The following TULP4 variants were observed in gnomAD, a reference collection of about 807,000 sequenced individuals.
TULP4 encodes the protein TUB like protein 4.
A neutral mutation model predicts 129.0 loss-of-function variants in TULP4; 16 were observed. That is an observed-to-expected ratio of 0.12 (90% CI 0.08 to 0.19). TULP4 has a LOEUF of 0.19. Ranked by LOEUF, TULP4 falls within the 10% of genes least tolerant of loss-of-function variation. The pLI is 1.00. For synonymous variants in TULP4, 998 were observed against 854.0 expected (o/e 1.17, Z -2.94); for missense variants, 1,842 against 2,059.1 (o/e 0.89, Z 2.04).
chr6:158,314,406 T>C, intron 1 of TULP4, 138 bp downstream of exon 1: 3 of 1,080,506 alleles, frequency 2.8e-6, no homozygotes, highest in East Asian at 4.9e-5. Flanking sequence ...TTCTGTCTCT[T>C]ATTCTCTGGC....
chr6:158,469,549 A>C (rs193191115), intron 6 of TULP4, among the ~76,000 whole-genome samples: 37 of 152,086 alleles, frequency 2.4e-4, no homozygotes, highest in Non-Finnish European at 4.4e-4. Context: ...TGCTGGGATT[A>C]CAGGTCTGAG....
chr6:158,450,489 C>T (rs1583889754), intron 4 of TULP4, among the ~76,000 whole-genome samples: 1 of 152,142 alleles, frequency 6.6e-6, no homozygotes, highest in South Asian at 2.1e-4. Flanking sequence ...GGCATTCACA[C>T]ATGAAAAACA....
At chr6:158,356,346 A>G (rs1264960380) in intron 1 of TULP4, among the ~76,000 whole-genome samples, 2 of 152,216 alleles carry the variant, frequency 1.3e-5, no homozygotes. Context: ...AGAGCTGACC[A>G]GAGGACAGTG....
At chr6:158,269,640 A>G (rs1778511268) in intron 1 of TULP4, among the ~76,000 whole-genome samples, 1 of 152,204 alleles carries the variant, frequency 6.6e-6, no homozygotes, top group Non-Finnish European at 1.5e-5. Context: ...GTCTCTGCAT[A>G]TTTCTTTAAT....
chr6:158,236,601 A>G (rs925433344), intron 1 of TULP4, among the ~76,000 whole-genome samples: 48 of 129,294 alleles, frequency 3.7e-4, no homozygotes, highest in African/African-American at 1.2e-3. Flanking sequence ...TCAGTCACCT[A>G]AGGCCTCCAT....
At chr6:158,305,691 G>T (rs1281179344) in intron 1 of TULP4, among the ~76,000 whole-genome samples, 1 of 127,592 alleles carries the variant, frequency 7.8e-6, no homozygotes, top group South Asian at 3.0e-4. Context: ...AAAGACAGAG[G>T]GAAACCCTGT....
In TULP4 at chr6:158,392,269, AGTGCCCCCATGATT is replaced by A. The variant is rs1167863575; in HGVS notation, c.253-20795_253-20782del. 1.6e-3 allele frequency among the ~76,000 whole-genome samples: 247 copies of A among 152,242 alleles called. 1 individual carries two copies. The highest frequency in any genetic ancestry group is 5.5e-3 in the African/African-American group (227 of 41,542). ...TATCACGACAACAGCATGGGAAAGA[AGTGCCCCCATGATT>A]CTGCCCCCATGATTCTGTTACCTCC... On this transcript the variant is annotated intron_variant, in intron 1 of 13. Coordinates refer to ENST00000367097, the MANE Select transcript of TULP4 (RefSeq NM_020245.5).
At chr6:158,378,885 A>G (rs1777262989) in intron 1 of TULP4, among the ~76,000 whole-genome samples, 2 of 152,188 alleles carry the variant, frequency 1.3e-5, no homozygotes, top group South Asian at 2.1e-4. Context: ...ATTTAATTGA[A>G]AATTTGGACC....
intron 5 of TULP4, among the ~76,000 whole-genome samples, chr6:158,459,435 A>G (rs1779370711): frequency 6.6e-6 from 1 of 151,658 alleles, no homozygotes; most frequent in Non-Finnish European, 1.5e-5. Context: ...TGTCTCAAAA[A>G]AAAAAAAAGA....
intron 3 of TULP4, among the ~76,000 whole-genome samples, chr6:158,439,917 T>C (rs1774557): frequency 6.6e-6 from 1 of 151,452 alleles, no homozygotes; most frequent in South Asian, 2.1e-4. Flanking sequence ...TTCACTGTGT[T>C]AGCCAGGATG....
At chr6:158,351,485 G>A (rs543062883) in intron 1 of TULP4, among the ~76,000 whole-genome samples, 1 of 152,178 alleles carries the variant, frequency 6.6e-6, no homozygotes, top group Admixed American at 6.5e-5. Flanking sequence ...AAATTGTATT[G>A]CCTGTTTACA....
chr6:158,321,012 A>T, intron 1 of TULP4, among the ~76,000 whole-genome samples: 1 of 151,766 alleles, frequency 6.6e-6, no homozygotes, highest in Non-Finnish European at 1.5e-5. Flanking sequence ...TAACTTCCTC[A>T]CCTCTCATTG....
At chr6:158,473,508 A>G (rs1248060936) in intron 6 of TULP4, among the ~76,000 whole-genome samples, 1 of 152,168 alleles carries the variant, frequency 6.6e-6, no homozygotes. Context: ...CCGATCACCA[A>G]CTTGGTCTGT....
intron 3 of TULP4, among the ~76,000 whole-genome samples, chr6:158,430,625 G>C (rs1485475444): frequency 1.3e-5 from 2 of 152,112 alleles, no homozygotes; most frequent in Non-Finnish European, 2.9e-5. Flanking sequence ...GCGGGCGCCT[G>C]TAATGCCAGC....
At chr6:158,439,971 A>G (rs1778849159) in intron 3 of TULP4, among the ~76,000 whole-genome samples, 2 of 151,338 alleles carry the variant, frequency 1.3e-5, no homozygotes, top group Non-Finnish European at 3.0e-5. Flanking sequence ...TCAGCCTCCC[A>G]AAGTGCTGGG....
chr6:158,260,786 G>A (rs763751433), intron 1 of TULP4, among the ~76,000 whole-genome samples: 17 of 151,278 alleles, frequency 1.1e-4, no homozygotes, highest in South Asian at 4.2e-4. Context: ...GGCTGTCATC[G>A]ACGCCTGGGG....
chr6:158,385,982 C>A (rs183093483), intron 1 of TULP4, among the ~76,000 whole-genome samples: 1 of 151,202 alleles, frequency 6.6e-6, no homozygotes, highest in South Asian at 2.1e-4. Context: ...ATAACTGGGA[C>A]TACAAGTGTG....
intron 1 of TULP4, among the ~76,000 whole-genome samples, chr6:158,259,684 A>C (rs1778314808): frequency 6.6e-6 from 1 of 152,222 alleles, no homozygotes; most frequent in South Asian, 2.1e-4. Context: ...TGAGTTCTGC[A>C]AGGCTGCTCT....
intron 1 of TULP4, among the ~76,000 whole-genome samples, chr6:158,291,062 T>TA (rs1380393882): frequency 1.3e-5 from 2 of 152,258 alleles, no homozygotes; most frequent in Non-Finnish European, 2.9e-5. Flanking sequence ...TAGAAGTTGA[T>TA]AAGTACTGTG....
Sources: allele counts gnomAD v4.1 joint callset (sites outside exome capture counted in the v4.1 genomes callset), GRCh38; gene constraint gnomAD v4.1.1; transcripts MANE v1.5; gene names NCBI Gene and HGNC (gene_info 2026-07-23, HGNC 2026-07-21).